Variants in LGSN observed in about 807,000 individuals in gnomAD.
The protein encoded by LGSN is lengsin.
A neutral mutation model predicts 19.5 loss-of-function variants in LGSN; 21 were observed. That is an observed-to-expected ratio of 1.07 (90% confidence interval 0.76 to 1.55). The LOEUF (loss-of-function observed/expected upper bound fraction) is 1.55. Among genes scored for constraint, LGSN ranks in the 40% most tolerant of loss-of-function variants. The pLI, the probability that LGSN is intolerant of heterozygous loss-of-function variation, is 0.00. For synonymous variants in LGSN, 257 were observed against 215.6 expected, an observed-to-expected ratio of 1.19 and a Z score of -1.68; for missense variants, 673 against 608.5, an observed-to-expected ratio of 1.11 and a Z score of -1.12.
At chr6:63,357,581 ACT>A in the LGSN span, among the ~76,000 whole-genome samples, 3 of 152,212 alleles carry the variant, frequency 2.0e-5, no homozygotes, top group African/African-American at 7.2e-5. Flanking sequence ...TCTGATGGCC[ACT>A]GATGATGAAC....
the LGSN span, among the ~76,000 whole-genome samples, chr6:63,531,177 A>C: frequency 9.2e-5 from 14 of 152,292 alleles, no homozygotes; most frequent in Non-Finnish European, 1.8e-4. Flanking sequence ...AGATAACTGC[A>C]AGCAATGAGG....
chr6:63,303,734 G>T (rs1203951298), intron 1 of LGSN, among the ~76,000 whole-genome samples: 1 of 152,152 alleles, frequency 6.6e-6, no homozygotes, highest in African/African-American at 2.4e-5. Context: ...ACCCTTCATG[G>T]TCTAAAACTT....
the LGSN span, among the ~76,000 whole-genome samples, chr6:63,398,900 G>C: frequency 6.6e-6 from 1 of 151,904 alleles, no homozygotes; most frequent in Non-Finnish European, 1.5e-5. Flanking sequence ...AACCTTCTGG[G>C]CTCAAGCGAT....
intron 1 of LGSN, among the ~76,000 whole-genome samples, chr6:63,313,045 T>C (rs1768692675): frequency 6.6e-6 from 1 of 152,056 alleles, no homozygotes; most frequent in South Asian, 2.1e-4. Flanking sequence ...AAAATAGCCT[T>C]GACAGTGGTT....
intron 2 of LGSN, among the ~76,000 whole-genome samples, chr6:63,291,328 T>C (rs1029509637): frequency 6.6e-6 from 1 of 152,024 alleles, no homozygotes; most frequent in African/African-American, 2.4e-5. Context: ...TTGTCCGGAG[T>C]CCAGGAAGAA....
the LGSN span, among the ~76,000 whole-genome samples, chr6:63,398,224 A>G: frequency 6.7e-6 from 1 of 150,156 alleles, no homozygotes; most frequent in African/African-American, 2.4e-5. Context: ...AAAAAAAAAA[A>G]AAAGTTAACT....
At chr6:63,358,472 T>C in the LGSN span, among the ~76,000 whole-genome samples, 3 of 152,312 alleles carry the variant, frequency 2.0e-5, no homozygotes, top group East Asian at 1.9e-4. Flanking sequence ...GAGCATGGAA[T>C]GTTCTTCCAT....
chr6:63,449,930 C>G, the LGSN span, among the ~76,000 whole-genome samples: 503 of 152,076 alleles, frequency 3.3e-3, 4 homozygotes, highest in Non-Finnish European at 3.6e-3. Flanking sequence ...GAAAACATAC[C>G]CTTTTTAGGG....
At chr6:63,400,953 C>T in the LGSN span, among the ~76,000 whole-genome samples, 1 of 151,980 alleles carries the variant, frequency 6.6e-6, no homozygotes, top group Non-Finnish European at 1.5e-5. Context: ...GAAATGGCAC[C>T]ATTGCACTCC....
At chr6:63,473,746 G>T in the LGSN span, among the ~76,000 whole-genome samples, 1 of 147,262 alleles carries the variant, frequency 6.8e-6, no homozygotes, top group Non-Finnish European at 1.5e-5. Context: ...CCATTTATCC[G>T]CATCTGTATA....
At chr6:63,532,480 G>C in the LGSN span, among the ~76,000 whole-genome samples, 1 of 152,076 alleles carries the variant, frequency 6.6e-6, no homozygotes, top group African/African-American at 2.4e-5. Context: ...TGGATGGTAG[G>C]ACTATTTCTG....
At chr6:63,446,760 G>A in the LGSN span, among the ~76,000 whole-genome samples, 2 of 152,146 alleles carry the variant, frequency 1.3e-5, no homozygotes, top group Non-Finnish European at 2.9e-5. Flanking sequence ...GTTGAAAAAA[G>A]TAAGTACGGC....
At chr6:63,454,626 C>T in the LGSN span, among the ~76,000 whole-genome samples, 2 of 151,540 alleles carry the variant, frequency 1.3e-5, no homozygotes, top group Non-Finnish European at 2.9e-5. Flanking sequence ...CGCCCGCCAC[C>T]ATCCCCGGCT....
chr6:63,569,248 AAT>A, the LGSN span, among the ~76,000 whole-genome samples: 1 of 152,122 alleles, frequency 6.6e-6, no homozygotes, highest in Non-Finnish European at 1.5e-5. Context: ...CTTCCATAAA[AAT>A]ATCGCTTATA....
the LGSN span, among the ~76,000 whole-genome samples, chr6:63,555,047 T>G: frequency 6.6e-6 from 1 of 152,200 alleles, no homozygotes; most frequent in Non-Finnish European, 1.5e-5. Flanking sequence ...AAAGCAGCAA[T>G]TATTCCATGT....
the LGSN span, among the ~76,000 whole-genome samples, chr6:63,354,280 A>G: frequency 2.6e-5 from 4 of 152,148 alleles, no homozygotes. Flanking sequence ...TACATAAGGA[A>G]CTCAAACAGC....
At chr6:63,549,709 A>G in the LGSN span, among the ~76,000 whole-genome samples, 1 of 152,156 alleles carries the variant, frequency 6.6e-6, no homozygotes, top group Non-Finnish European at 1.5e-5. Context: ...GCAGGAACCT[A>G]AAGTTAAACA....
the LGSN span, among the ~76,000 whole-genome samples, chr6:63,461,123 A>G: frequency 6.6e-6 from 1 of 152,096 alleles, no homozygotes; most frequent in Admixed American, 6.6e-5. Context: ...GCTGGAGTAC[A>G]GTGGTGCAAT....
At chr6:63,338,871 C>T in the LGSN span, among the ~76,000 whole-genome samples, 1 of 152,066 alleles carries the variant, frequency 6.6e-6, no homozygotes, top group African/African-American at 2.4e-5. Context: ...GTTGTGTCTC[C>T]ATTTTAATTT....
Sources: allele counts gnomAD v4.1 joint callset (sites outside exome capture counted in the v4.1 genomes callset), GRCh38; gene constraint gnomAD v4.1.1; transcripts MANE v1.5; gene names NCBI Gene and HGNC (gene_info 2026-07-23, HGNC 2026-07-21).